The following LARS1 variants were observed in gnomAD, a reference collection of about 807,000 sequenced individuals.
LARS1 encodes leucyl-tRNA synthetase 1, also known as leucine--tRNA ligase, cytoplasmic.
Under a neutral mutation model 162.8 loss-of-function variants are expected in LARS1, and 100 were observed. The ratio of observed to expected loss-of-function variants is 0.61; its 90% CI spans 0.52 to 0.73. The LOEUF (loss-of-function observed/expected upper bound fraction) is 0.73, where lower values mean the gene tolerates loss of function less well. Among genes scored for constraint, LARS1 ranks in the 30% least tolerant of loss-of-function variants. The pLI, the probability that LARS1 is intolerant of heterozygous loss-of-function variation, is 0.00. For synonymous variants in LARS1, 457 were observed against 462.8 expected (o/e 0.99, Z 0.16); for missense variants, 1,258 against 1,408.9 (o/e 0.89, Z 1.71).
At position 146,122,599 on chromosome 5, in the gene LARS1, G is replaced by T; in HGVS notation, c.3097-12C>A. 1 of 1,487,518 alleles carries T rather than the reference G, an allele frequency of 6.7e-7. No individual in the cohort carries two copies. The highest frequency in any genetic ancestry group is 1.7e-4 in the Middle Eastern group (1 of 5,738). 92.1% of individuals were successfully genotyped at this position (1,487,518 alleles called of 1,614,324 possible). A position where few individuals can be genotyped will look rare whatever the true frequency, so the allele number is the denominator to read the frequency against. ...TCTATGTGTTCTAGCTAAACAGACGGGAAAAAATGGAAGTTATTAGTATCA... is the reference window on the plus strand; with the variant it reads ...TCTATGTGTTCTAGCTAAACAGACGTGAAAAAATGGAAGTTATTAGTATCA... On this transcript the variant is annotated splice_polypyrimidine_tract_variant and intron_variant, in intron 29 of 31. Transcript: ENST00000394434.
chr5:146,115,046 G>GA (rs35008800), intron 31 of LARS1, among the ~76,000 whole-genome samples: 2,441 of 97,442 alleles, frequency 0.025, 23 homozygotes, highest in African/African-American at 0.028. Flanking sequence ...CTGTCGGGGG[G>GA]AAAAAAAAAA....
At chr5:146,141,315 A>C (rs958345052) in intron 20 of LARS1, among the ~76,000 whole-genome samples, 2 of 151,920 alleles carry the variant, frequency 1.3e-5, no homozygotes, top group Non-Finnish European at 2.9e-5. Flanking sequence ...TTCCTCGAAA[A>C]GCTATAGTAA....
chr5:146,181,725 AT>A (rs996911766), intron 1 of LARS1, among the ~76,000 whole-genome samples: 3 of 150,684 alleles, frequency 2.0e-5, no homozygotes, highest in African/African-American at 7.3e-5. Flanking sequence ...TTCCTGCTCT[AT>A]TTTTTCCCCA....
chr5:146,149,826 A>G, intron 14 of LARS1, 127 bp from the exon 15 acceptor site: 1 of 684,610 alleles, frequency 1.5e-6, no homozygotes, highest in Non-Finnish European at 2.6e-6. Context: ...GAAATTTATC[A>G]TATTTACAAC....
intron 2 of LARS1, among the ~76,000 whole-genome samples, chr5:146,176,316 G>A (rs1444705929): frequency 6.6e-6 from 1 of 151,910 alleles, no homozygotes; most frequent in East Asian, 1.9e-4. Flanking sequence ...GCTGGGCGTG[G>A]TGGCACATGC....
intron 5 of LARS1, among the ~76,000 whole-genome samples, chr5:146,167,595 C>T (rs1394947765): frequency 6.6e-6 from 1 of 151,936 alleles, no homozygotes; most frequent in Non-Finnish European, 1.5e-5. Context: ...GGGGTTTCAC[C>T]ATGTTTGCCA....
At chr5:146,132,288 G>A (rs1025880832) in intron 23 of LARS1, 1 of 152,220 alleles carries the variant, frequency 6.6e-6, no homozygotes, top group Admixed American at 6.6e-5. Flanking sequence ...CTGAGTGACA[G>A]TGCGAGACTC....
chr5:146,177,800 T>C, intron 1 of LARS1, 135 bp from the exon 2 acceptor site: 1 of 456,810 alleles, frequency 2.2e-6, no homozygotes, highest in Non-Finnish European at 3.9e-6. Flanking sequence ...TAAATGAACA[T>C]TAAAAATTAG....
chr5:146,146,502 C>T (rs1412539962), intron 15 of LARS1, among the ~76,000 whole-genome samples: 1 of 111,322 alleles, frequency 9.0e-6, no homozygotes, highest in Non-Finnish European at 1.8e-5. Flanking sequence ...AGGTTAGAAC[C>T]CCATATACTG....
intron 5 of LARS1, 52 bp from the exon 6 acceptor site, chr5:146,164,523 G>A (rs1195789153): frequency 6.5e-7 from 1 of 1,541,710 alleles, no homozygotes; most frequent in Admixed American, 1.8e-5. Flanking sequence ...CAACACTCCA[G>A]GAAAATGACC....
At chr5:146,150,386 C>A (rs919509921) in intron 14 of LARS1, among the ~76,000 whole-genome samples, 3 of 152,092 alleles carry the variant, frequency 2.0e-5, no homozygotes, top group Non-Finnish European at 2.9e-5. Flanking sequence ...ACATTCTAAA[C>A]CTCTAACATA....
intron 15 of LARS1, among the ~76,000 whole-genome samples, chr5:146,146,339 G>GAAAAAAAAAAAAAAAAAAA (rs70998058): frequency 1.1e-5 from 1 of 90,436 alleles, no homozygotes; most frequent in African/African-American, 5.3e-5. Flanking sequence ...GCAAAACTCC[G>GAAAAAAAAAAAAAAAAAAA]AAAAAAAAAA....
intron 13 of LARS1, 49 bp from the exon 14 acceptor site, chr5:146,152,051 G>T (rs756685090): frequency 1.2e-6 from 2 of 1,603,048 alleles, no homozygotes; most frequent in South Asian, 1.1e-5. Context: ...TGGACACACA[G>T]CTCTGTAGGG....
chr5:146,114,661 G>A (rs1230004524), intron 31 of LARS1, among the ~76,000 whole-genome samples: 1 of 152,104 alleles, frequency 6.6e-6, no homozygotes, highest in Admixed American at 6.6e-5. Context: ...GCTTGAACCT[G>A]GAAGGCAGAG....
At chr5:146,138,908 A>G in intron 21 of LARS1, 1 of 315,196 alleles carries the variant, frequency 3.2e-6, no homozygotes. Context: ...ACTCAGGCCC[A>G]CGGGAACAGT....
intron 1 of LARS1, among the ~76,000 whole-genome samples, chr5:146,181,862 T>TTTC (rs1754872628): frequency 7.4e-6 from 1 of 135,412 alleles, no homozygotes; most frequent in Non-Finnish European, 1.5e-5. Context: ...TTTTTTTTTT[T>TTTC]TTTTTTTTTT....
At chr5:146,126,368 C>A (rs1752041434) in intron 28 of LARS1, 67 bp downstream of exon 28, 3 of 925,484 alleles carry the variant, frequency 3.2e-6, no homozygotes, top group Non-Finnish European at 5.1e-6. Flanking sequence ...AGGCTTTTCC[C>A]CATCCTTCTA....
At chr5:146,148,399 T>C (rs1753115025) in intron 15 of LARS1, among the ~76,000 whole-genome samples, 2 of 152,106 alleles carry the variant, frequency 1.3e-5, no homozygotes, top group African/African-American at 2.4e-5. Context: ...AGAAAAGAAA[T>C]AGACAGTTGG....
intron 1 of LARS1, among the ~76,000 whole-genome samples, chr5:146,179,853 T>C (rs1342113090): frequency 2.0e-5 from 3 of 152,226 alleles, no homozygotes; most frequent in Non-Finnish European, 2.9e-5. Flanking sequence ...TCCACCAGCC[T>C]TGGCTTTCCA....
Sources: allele counts gnomAD v4.1 joint callset (sites outside exome capture counted in the v4.1 genomes callset), GRCh38; gene constraint gnomAD v4.1.1; transcripts MANE v1.5; gene names NCBI Gene and HGNC (gene_info 2026-07-23, HGNC 2026-07-21).